The following GRXCR1 variants were observed in gnomAD, a reference collection of about 807,000 sequenced individuals.
GRXCR1 encodes the protein glutaredoxin and cysteine rich domain containing 1, also known as glutaredoxin domain-containing cysteine-rich protein 1.
A neutral mutation model predicts 27.3 loss-of-function variants in GRXCR1; 27 were observed. The observed-to-expected ratio is 0.99, with a 90% CI of 0.73 to 1.37. GRXCR1 has a LOEUF of 1.37. Among genes scored for constraint, GRXCR1 ranks in the 40% most tolerant of loss-of-function variants. The pLI, the probability that GRXCR1 is intolerant of heterozygous loss-of-function variation, is 0.00. For synonymous variants in GRXCR1, 122 were observed against 131.1 expected (o/e 0.93, Z 0.47); for missense variants, 379 against 354.4 (o/e 1.07, Z -0.56).
intron 3 of GRXCR1, among the ~76,000 whole-genome samples, chr4:43,023,510 C>T (rs189753711): frequency 2.6e-5 from 4 of 152,216 alleles, no homozygotes; most frequent in East Asian, 1.9e-4. Flanking sequence ...TGGCCTCAAA[C>T]GTGAGGAGCT....
intron 2 of GRXCR1, among the ~76,000 whole-genome samples, chr4:42,981,160 TTTTTTTGCTTTTTACTTTCTTTTTC>T (rs1748656837): frequency 6.6e-6 from 1 of 151,874 alleles, no homozygotes; most frequent in African/African-American, 2.4e-5. Context: ...GGTATTTTTT[TTTTTTTGCTTTTTACTTTCTTTTTC>T]TTTTTGCTTT....
chr4:42,934,731 A>G (rs950858281), intron 1 of GRXCR1, among the ~76,000 whole-genome samples: 5 of 151,970 alleles, frequency 3.3e-5, no homozygotes, highest in African/African-American at 7.2e-5. Context: ...CTTTGCAATA[A>G]TAAGGGCCAC....
chr4:42,921,125 G>T (rs746114367), intron 1 of GRXCR1, among the ~76,000 whole-genome samples: 13 of 152,038 alleles, frequency 8.6e-5, no homozygotes, highest in Non-Finnish European at 1.8e-4. Context: ...ATGAGATCCT[G>T]AGGGTGGAGT....
At chr4:42,936,818 A>C (rs1434401636) in intron 1 of GRXCR1, among the ~76,000 whole-genome samples, 1 of 151,926 alleles carries the variant, frequency 6.6e-6, no homozygotes, top group Non-Finnish European at 1.5e-5. Context: ...TGTGTCTTGG[A>C]AAGGAAGATA....
chr4:43,005,946 T>C (rs967004644), intron 2 of GRXCR1, among the ~76,000 whole-genome samples: 1 of 152,216 alleles, frequency 6.6e-6, no homozygotes, highest in African/African-American at 2.4e-5. Context: ...GGACCCCAAA[T>C]GGAGGGACCG....
At chr4:43,000,246 G>A (rs1344159752) in intron 2 of GRXCR1, among the ~76,000 whole-genome samples, 11 of 152,218 alleles carry the variant, frequency 7.2e-5, no homozygotes, top group South Asian at 2.1e-4. Flanking sequence ...TTGGGAGGCC[G>A]AGGCAGGTGG....
At chr4:42,964,520 C>T (rs1481969091) in intron 2 of GRXCR1, among the ~76,000 whole-genome samples, 1 of 152,020 alleles carries the variant, frequency 6.6e-6, no homozygotes, top group African/African-American at 2.4e-5. Flanking sequence ...CACTTGGTTC[C>T]TGTACCTGGA....
chr4:42,932,619 T>TAG lies in GRXCR1; in HGVS notation c.385-30228_385-30227dup, dbSNP rs762758381. On this transcript the variant is annotated intron_variant, in intron 1 of 3. Transcript: ENST00000399770. Reference sequence around the variant, plus strand: ...ATATATATATATATATATATATATATAGAGAGAGAGAGAGAGAGAGAGAGA... The same window carrying TAG: ...ATATATATATATATATATATATATATAGAGAGAGAGAGAGAGAGAGAGAGAGA... 7.3e-3 allele frequency among the ~76,000 whole-genome samples: 167 copies of TAG among 22,916 alleles called. 2 individuals are homozygous for TAG. Among genetic ancestry groups the TAG allele is most frequent in the African/African-American group, 8.9e-3 (53 of 5,924 alleles). 15.0% of individuals were successfully genotyped at this position (22,916 alleles called of 152,430 possible).
chr4:42,932,619 TAGAGAGAGAGAGAG>T (rs762758381), intron 1 of GRXCR1, among the ~76,000 whole-genome samples: 232 of 22,842 alleles, frequency 0.01, 1 homozygote, highest in African/African-American at 0.017. Context: ...TATATATATA[TAGAGAGAGAGAGAG>T]AGAGAGAGAG....
chr4:42,922,481 G>C (rs1184391402), intron 1 of GRXCR1, among the ~76,000 whole-genome samples: 1 of 152,150 alleles, frequency 6.6e-6, no homozygotes, highest in Non-Finnish European at 1.5e-5. Flanking sequence ...AGCCCATGAG[G>C]CTCTGGAAGC....
intron 1 of GRXCR1, among the ~76,000 whole-genome samples, chr4:42,962,447 G>A (rs1340927510): frequency 6.6e-6 from 1 of 151,916 alleles, no homozygotes; most frequent in Admixed American, 6.6e-5. Flanking sequence ...TTGCCCCAAA[G>A]ACTGTACAAT....
chr4:42,922,504 A>C (rs944245398), intron 1 of GRXCR1, among the ~76,000 whole-genome samples: 1 of 152,150 alleles, frequency 6.6e-6, no homozygotes, highest in Non-Finnish European at 1.5e-5. Context: ...GCTTGGGCCC[A>C]TCTGGAGAGA....
chr4:43,016,639 GTGT>G (rs989236976), intron 2 of GRXCR1, among the ~76,000 whole-genome samples: 8 of 151,286 alleles, frequency 5.3e-5, no homozygotes, highest in African/African-American at 1.2e-4. Context: ...GTGTTTGTGT[GTGT>G]GTGTGTGTGT....
chr4:42,937,161 A>T (rs1302180503), intron 1 of GRXCR1, among the ~76,000 whole-genome samples: 1 of 151,876 alleles, frequency 6.6e-6, no homozygotes, highest in South Asian at 2.1e-4. Context: ...ATAGGTATTT[A>T]TTTTATAATT....
At chr4:42,961,115 C>T (rs990070688) in intron 1 of GRXCR1, among the ~76,000 whole-genome samples, 11 of 151,828 alleles carry the variant, frequency 7.2e-5, no homozygotes, top group Admixed American at 2.6e-4. Context: ...GTTTTCTGTT[C>T]TCATGTTAGT....
At chr4:42,932,568 A>C (rs1747338521) in intron 1 of GRXCR1, among the ~76,000 whole-genome samples, 1 of 107,524 alleles carries the variant, frequency 9.3e-6, no homozygotes, top group Non-Finnish European at 1.8e-5. Flanking sequence ...TTTCTCTTAA[A>C]CTCCCTTCCA....
At chr4:43,023,797 G>A (rs1713168507) in intron 3 of GRXCR1, among the ~76,000 whole-genome samples, 1 of 152,118 alleles carries the variant, frequency 6.6e-6, no homozygotes, top group Non-Finnish European at 1.5e-5. Context: ...CTTTTTTGGA[G>A]GAGGCAAAGC....
intron 2 of GRXCR1, among the ~76,000 whole-genome samples, chr4:42,987,749 A>C (rs1488705633): frequency 6.6e-6 from 1 of 152,158 alleles, no homozygotes; most frequent in Non-Finnish European, 1.5e-5. Context: ...TCTAGGTGAT[A>C]AAATTCTAGA....
chr4:42,899,372 T>C (rs751695104), intron 1 of GRXCR1, among the ~76,000 whole-genome samples: 2 of 152,160 alleles, frequency 1.3e-5, no homozygotes, highest in African/African-American at 2.4e-5. Context: ...TCATGGACTA[T>C]CCAGCAGTGT....
Sources: allele counts gnomAD v4.1 joint callset (sites outside exome capture counted in the v4.1 genomes callset), GRCh38; gene constraint gnomAD v4.1.1; transcripts MANE v1.5; gene names NCBI Gene and HGNC (gene_info 2026-07-23, HGNC 2026-07-21).